Variants in FYB1 observed in about 807,000 individuals in gnomAD.
FYB1 encodes FYN-binding protein 1.
FYB1 carries 41 observed loss-of-function variants against 94.1 expected under a neutral mutation model. That is an observed-to-expected ratio of 0.44 (90% CI 0.34 to 0.57). The LOEUF is 0.57. Ranked by LOEUF, FYB1 falls within the 20% of genes least tolerant of loss-of-function variation. The pLI is 0.02. For synonymous variants in FYB1, 367 were observed against 353.2 expected, an observed-to-expected ratio of 1.04 and a Z score of -0.44; for missense variants, 1,050 against 976.8, an observed-to-expected ratio of 1.07 and a Z score of -1.00.
intron 2 of FYB1, among the ~76,000 whole-genome samples, chr5:39,157,396 C>T (rs1580414250): frequency 6.6e-6 from 1 of 152,056 alleles, no homozygotes; most frequent in South Asian, 2.1e-4. Flanking sequence ...CTGTAAGGCT[C>T]ACATATCGGG....
intron 2 of FYB1, chr5:39,170,123 C>A: frequency 1.2e-6 from 1 of 809,880 alleles, no homozygotes; most frequent in South Asian, 1.3e-5. Context: ...CAAATGTTAT[C>A]AGTTGCTGAT....
chr5:39,166,657 A>G (rs1744767205), intron 2 of FYB1, among the ~76,000 whole-genome samples: 1 of 152,164 alleles, frequency 6.6e-6, no homozygotes, highest in African/African-American at 2.4e-5. Flanking sequence ...CTGCAGTAAC[A>G]TGGATGGAGG....
At chr5:39,186,885 A>G (rs1433868078) in intron 2 of FYB1, among the ~76,000 whole-genome samples, 1 of 152,086 alleles carries the variant, frequency 6.6e-6, no homozygotes. Flanking sequence ...TAGTAGACTT[A>G]TTATCCCCAT....
intron 1 of FYB1, among the ~76,000 whole-genome samples, chr5:39,267,459 A>G (rs546921712): frequency 6.6e-6 from 1 of 152,284 alleles, no homozygotes; most frequent in South Asian, 2.1e-4. Context: ...TGACTTATGG[A>G]AAACAAGTAG....
intron 1 of FYB1, among the ~76,000 whole-genome samples, chr5:39,215,710 C>A (rs970747813): frequency 6.6e-6 from 1 of 152,130 alleles, no homozygotes; most frequent in African/African-American, 2.4e-5. Flanking sequence ...GATTGGGGCA[C>A]CTTTTGGTGG....
chr5:39,177,709 A>T (rs1279145800), intron 2 of FYB1, among the ~76,000 whole-genome samples: 5 of 152,128 alleles, frequency 3.3e-5, no homozygotes, highest in Non-Finnish European at 7.3e-5. Context: ...CACCAACAAA[A>T]TCTGTAACTC....
At chr5:39,236,247 C>T (rs557813726) in intron 1 of FYB1, among the ~76,000 whole-genome samples, 19 of 152,118 alleles carry the variant, frequency 1.2e-4, no homozygotes, top group African/African-American at 2.9e-4. Context: ...GAAAATTTAT[C>T]GGAGTAAATC....
intron 2 of FYB1, among the ~76,000 whole-genome samples, chr5:39,171,254 C>T (rs1279672852): frequency 2.0e-5 from 3 of 151,924 alleles, no homozygotes; most frequent in Non-Finnish European, 4.4e-5. Flanking sequence ...CGTGCCACTG[C>T]TCTCTAGCCT....
At chr5:39,184,765 C>A (rs554393652) in intron 2 of FYB1, among the ~76,000 whole-genome samples, 22 of 152,100 alleles carry the variant, frequency 1.4e-4, no homozygotes, top group Non-Finnish European at 2.9e-4. Flanking sequence ...ATCCTTTGCC[C>A]CCAAGTTCAT....
intron 2 of FYB1, among the ~76,000 whole-genome samples, chr5:39,157,662 T>A (rs907704397): frequency 6.6e-6 from 1 of 152,148 alleles, no homozygotes; most frequent in Non-Finnish European, 1.5e-5. Flanking sequence ...GATGTGCAAT[T>A]TGAGAGCTAA....
In FYB1 at chr5:39,112,548, T is replaced by G. The variant is rs139918367; in HGVS notation, c.2402-2159A>C. Among the ~76,000 whole-genome samples, 132 of 152,172 alleles carry G rather than the reference T, an allele frequency of 8.7e-4. 1 individual carries two copies. The highest frequency in any genetic ancestry group is 2.9e-3 in the African/African-American group (120 of 41,558). On this transcript the variant is annotated intron_variant, in intron 16 of 18. Transcript: ENST00000512982. The stretch of plus-strand genomic sequence containing the variant: ...AATATAAAGTTCAAAATGAAGAGAA[T>G]GTAATCACCATTTTTAGAAATTAAA...
intron 2 of FYB1, among the ~76,000 whole-genome samples, chr5:39,154,048 A>G (rs1281964559): frequency 6.6e-6 from 1 of 152,028 alleles, no homozygotes; most frequent in Non-Finnish European, 1.5e-5. Flanking sequence ...GACCTCCCCA[A>G]ATGTTGGGAT....
chr5:39,180,176 C>T (rs1746090160), intron 2 of FYB1, among the ~76,000 whole-genome samples: 1 of 152,184 alleles, frequency 6.6e-6, no homozygotes, highest in African/African-American at 2.4e-5. Context: ...ACCACTGCAC[C>T]ATTCCCCAAT....
intron 1 of FYB1, among the ~76,000 whole-genome samples, chr5:39,239,234 C>T (rs1751101984): frequency 6.6e-6 from 1 of 152,062 alleles, no homozygotes; most frequent in Non-Finnish European, 1.5e-5. Context: ...TGGAAGCATT[C>T]CTTTTGAGAA....
At chr5:39,169,425 A>C (rs1745043699) in intron 2 of FYB1, 1 of 744,990 alleles carries the variant, frequency 1.3e-6, no homozygotes, top group Non-Finnish European at 2.5e-6. Flanking sequence ...TGTGCCATTA[A>C]AAAGAACAGG....
intron 2 of FYB1, among the ~76,000 whole-genome samples, chr5:39,199,796 A>G (rs149494814): frequency 1.3e-5 from 2 of 152,186 alleles, no homozygotes; most frequent in Non-Finnish European, 2.9e-5. Flanking sequence ...AGGTAGCTTC[A>G]CTGTACACCA....
intron 1 of FYB1, among the ~76,000 whole-genome samples, chr5:39,204,658 C>G (rs1363937895): frequency 6.6e-6 from 1 of 152,052 alleles, no homozygotes; most frequent in African/African-American, 2.4e-5. Context: ...GCCTGGCTCC[C>G]TCAGGATTCT....
intron 2 of FYB1, among the ~76,000 whole-genome samples, chr5:39,178,661 A>C (rs1273154792): frequency 6.6e-6 from 1 of 152,150 alleles, no homozygotes; most frequent in East Asian, 1.9e-4. Context: ...GGCAACATTG[A>C]GGTTTTTTTT....
intron 1 of FYB1, among the ~76,000 whole-genome samples, chr5:39,217,094 G>T (rs1262446291): frequency 6.6e-6 from 1 of 152,066 alleles, no homozygotes; most frequent in Admixed American, 6.6e-5. Context: ...GACATTCTTG[G>T]TTTATTCCTA....
Sources: gnomAD v4.1 joint callset for allele counts (sites outside exome capture counted in the v4.1 genomes callset) on GRCh38, gnomAD v4.1.1 for gene constraint, MANE v1.5 for transcripts, NCBI Gene and HGNC (gene_info 2026-07-23, HGNC 2026-07-21) for gene names.